CNTN5: variants seen among roughly 807,000 people sequenced by gnomAD.
CNTN5 encodes contactin-5.
Under a neutral mutation model 129.1 loss-of-function variants are expected in CNTN5, and 77 were observed. That is an observed-to-expected ratio of 0.60 (90% confidence interval 0.50 to 0.72). The LOEUF (loss-of-function observed/expected upper bound fraction) is 0.72. Among genes scored for constraint, CNTN5 ranks in the 30% least tolerant of loss-of-function variants. The pLI is 0.00. For synonymous variants in CNTN5, 509 were observed against 465.6 expected (o/e 1.09, Z -1.20); for missense variants, 1,478 against 1,328.8 (o/e 1.11, Z -1.75).
intron 3 of CNTN5, among the ~76,000 whole-genome samples, chr11:99,709,096 T>C (rs190255300): frequency 1.3e-3 from 203 of 152,020 alleles, no homozygotes; most frequent in African/African-American, 4.5e-3. Flanking sequence ...AAATTTCTTA[T>C]GTAGCTAAGC....
intron 23 of CNTN5, among the ~76,000 whole-genome samples, chr11:100,346,452 G>C (rs767941659): frequency 6.6e-6 from 1 of 152,066 alleles, no homozygotes; most frequent in Non-Finnish European, 1.5e-5. Context: ...ACTTATGCTT[G>C]AGTGAAAGGG....
chr11:99,311,579 T>G (rs1865118808), intron 1 of CNTN5, among the ~76,000 whole-genome samples: 1 of 152,102 alleles, frequency 6.6e-6, no homozygotes, highest in Admixed American at 6.5e-5. Context: ...AGTCAAAGAG[T>G]GCTCCAGTGT....
At chr11:100,270,934 C>G (rs185851843) in intron 17 of CNTN5, among the ~76,000 whole-genome samples, 158 bp from the exon 18 acceptor site, 110 of 152,318 alleles carry the variant, frequency 7.2e-4, no homozygotes, top group African/African-American at 1.9e-3. Flanking sequence ...GATTGATTTT[C>G]ATTTTACTAA....
intron 3 of CNTN5, among the ~76,000 whole-genome samples, chr11:99,734,818 G>A (rs1943648061): frequency 6.6e-6 from 1 of 151,824 alleles, no homozygotes; most frequent in Non-Finnish European, 1.5e-5. Flanking sequence ...TAAAAGTTGG[G>A]TAACCCCGTG....
chr11:99,518,859 A>G (rs1947161531), intron 2 of CNTN5, among the ~76,000 whole-genome samples: 2 of 152,012 alleles, frequency 1.3e-5, no homozygotes, highest in Non-Finnish European at 2.9e-5. Context: ...TCAAATTACA[A>G]TTTTATTTCA....
chr11:99,723,391 T>A (rs1250374416), intron 3 of CNTN5, among the ~76,000 whole-genome samples: 1 of 152,106 alleles, frequency 6.6e-6, no homozygotes, highest in Non-Finnish European at 1.5e-5. Flanking sequence ...CACACTATAT[T>A]CCCCTAGTAC....
intron 9 of CNTN5, among the ~76,000 whole-genome samples, chr11:100,041,957 G>A (rs1199692643): frequency 2.6e-5 from 4 of 152,158 alleles, no homozygotes; most frequent in Non-Finnish European, 5.9e-5. Flanking sequence ...AGAAAGGAGA[G>A]AGATCTAAAG....
intron 3 of CNTN5, among the ~76,000 whole-genome samples, chr11:99,644,899 C>T (rs192593461): frequency 4.7e-4 from 71 of 151,930 alleles, no homozygotes; most frequent in Non-Finnish European, 7.2e-4. Flanking sequence ...TAAAATTGCA[C>T]TTCGTATTTT....
chr11:99,822,307 G>A (rs17134501), intron 4 of CNTN5, among the ~76,000 whole-genome samples: 4,430 of 152,172 alleles, frequency 0.029, 175 homozygotes, highest in Admixed American at 0.093. Flanking sequence ...GAAATAAAAC[G>A]CATCTTCACC....
Position 99,682,840 on chromosome 11 carries a change from C to A in CNTN5, c.55+126571C>A, listed in dbSNP as rs137871671. On this transcript the variant is annotated intron_variant, in intron 3 of 24. Transcript: ENST00000524871. ...GGCCAAAAGCATTAGATGAGACAAACGGTGTTGTTTCATGTTGCTCATAGC... is the reference window on the plus strand; with the variant it reads ...GGCCAAAAGCATTAGATGAGACAAAAGGTGTTGTTTCATGTTGCTCATAGC... Among the ~76,000 whole-genome samples, 252 of 151,974 alleles carry A rather than the reference C, an allele frequency of 1.7e-3. 2 individuals are homozygous for A. Among genetic ancestry groups the A allele is most frequent in the African/African-American group, 5.8e-3 (239 of 41,482 alleles).
At position 99,952,263 on chromosome 11, in the gene CNTN5, A is replaced by T. The variant is rs960646504; in HGVS notation, c.674-4543A>T. ...TTCAAAAAAGAAAATAATTGTAGTG[A>T]AAATTTTTAAAACCCTATTTTTCTC... On this transcript the variant is annotated intron_variant, in intron 7 of 24. Coordinates refer to ENST00000524871, the MANE Select transcript of CNTN5 (RefSeq NM_014361.4). Among the ~76,000 whole-genome samples the T allele has an allele frequency of 2.6e-5, 4 of 152,322 alleles. No individual in the cohort carries two copies. The East Asian group carries it at 7.7e-4, about 29-fold the overall frequency.
intron 1 of CNTN5, among the ~76,000 whole-genome samples, chr11:99,146,563 G>T (rs907768119): frequency 6.6e-6 from 1 of 152,058 alleles, no homozygotes. Flanking sequence ...AGAAGTTAGG[G>T]TTCTAAACAC....
intron 13 of CNTN5, among the ~76,000 whole-genome samples, chr11:100,139,556 G>T (rs900087776): frequency 2.6e-5 from 4 of 151,992 alleles, no homozygotes; most frequent in African/African-American, 7.2e-5. Flanking sequence ...TCTCATTAGG[G>T]CAGTTTCAAG....
At chr11:99,528,035 A>G (rs1053559778) in intron 2 of CNTN5, among the ~76,000 whole-genome samples, 12 of 152,180 alleles carry the variant, frequency 7.9e-5, no homozygotes, top group Admixed American at 6.5e-4. Context: ...GGTGAACCCT[A>G]TAAAAGTTGG....
chr11:100,285,442 G>A (rs912072274), intron 18 of CNTN5, among the ~76,000 whole-genome samples: 5 of 152,168 alleles, frequency 3.3e-5, no homozygotes, highest in African/African-American at 9.7e-5. Flanking sequence ...CACAGAGCAT[G>A]CATGCCTTCT....
intron 2 of CNTN5, among the ~76,000 whole-genome samples, chr11:99,483,882 T>C (rs755755039): frequency 6.6e-6 from 1 of 152,048 alleles, no homozygotes; most frequent in Non-Finnish European, 1.5e-5. Flanking sequence ...GATCCCTGCC[T>C]TCTCACCCTA....
At chr11:100,037,683 T>C (rs1942099778) in intron 9 of CNTN5, among the ~76,000 whole-genome samples, 1 of 152,228 alleles carries the variant, frequency 6.6e-6, no homozygotes. Context: ...AACTTCTTCC[T>C]GGTTTAGTCT....
At chr11:100,264,153 T>C (rs76188503) in intron 17 of CNTN5, among the ~76,000 whole-genome samples, 1,720 of 152,248 alleles carry the variant, frequency 0.011, 33 homozygotes, top group African/African-American at 0.039. Flanking sequence ...TTTTTGTGTT[T>C]GTTTTAGAAG....
At chr11:99,440,115 T>G (rs1020013081) in intron 2 of CNTN5, among the ~76,000 whole-genome samples, 2 of 152,198 alleles carry the variant, frequency 1.3e-5, no homozygotes, top group African/African-American at 4.8e-5. Flanking sequence ...AAAACATTCC[T>G]TCACATTTTT....
Sources: gnomAD v4.1 joint callset for allele counts (sites outside exome capture counted in the v4.1 genomes callset) on GRCh38, gnomAD v4.1.1 for gene constraint, MANE v1.5 for transcripts, NCBI Gene and HGNC (gene_info 2026-07-23, HGNC 2026-07-21) for gene names.